CXCR5: variants seen among roughly 807,000 people sequenced by gnomAD.
CXCR5 encodes C-X-C motif chemokine receptor 5.
In CXCR5, 3 loss-of-function variants were observed where a neutral mutation model predicts 5.6. The observed-to-expected ratio is 0.54, with a 90% CI of 0.24 to 1.39. The LOEUF (loss-of-function observed/expected upper bound fraction) is 1.39. Among genes scored for constraint, CXCR5 ranks in the 40% most tolerant of loss-of-function variants. CXCR5 has a pLI of 0.16. For missense variants in CXCR5, 333 were observed against 494.6 expected (o/e 0.67, Z 3.10); for synonymous variants, 218 against 219.9 (o/e 0.99, Z 0.08).
chr11:118,890,230 T>C (rs1375161049), intron 1 of CXCR5, among the ~76,000 whole-genome samples: 2 of 152,146 alleles, frequency 1.3e-5, no homozygotes, highest in African/African-American at 4.8e-5. Context: ...CAGAGGCACT[T>C]GTCTAAGTCT....
intron 1 of CXCR5, chr11:118,886,211 C>G (rs1186435491): frequency 2.5e-6 from 1 of 404,318 alleles, no homozygotes; most frequent in Non-Finnish European, 4.8e-6. Context: ...AGTCTGGGTC[C>G]TTCTATTCCT....
intron 1 of CXCR5, among the ~76,000 whole-genome samples, chr11:118,892,870 G>A (rs913652246): frequency 6.6e-6 from 1 of 152,194 alleles, no homozygotes; most frequent in Middle Eastern, 3.2e-3. Flanking sequence ...GGTTGCCAGT[G>A]ATGGGAAGTA....
At position 118,894,343 on chromosome 11, in the gene CXCR5, ATCT is replaced by A. The variant is rs762803932; in HGVS notation, c.805_807del (p.Phe269del). 1.9e-6 allele frequency: 3 copies of A among 1,614,168 alleles called. No individual in the cohort carries two copies. Among genetic ancestry groups the A allele is most frequent in the Non-Finnish European group, 2.5e-6 (3 of 1,180,032 alleles). ...CAGGGTGGCCATCCTGGTGACAAGC[ATCT>A]TCTTCCTCTGCTGGTCACCCTACCA... is the stretch of plus-strand genomic sequence containing the variant. On this transcript the variant is annotated inframe_deletion, in exon 2 of 2. Coordinates refer to ENST00000292174, the MANE Select transcript of CXCR5 (RefSeq NM_001716.5). The surrounding 1 kb of genome is among the most constrained non-coding windows in gnomAD (Gnocchi z 6.1).
Position 118,894,800 on chromosome 11 carries a change from A to G in CXCR5, c.*137A>G, listed in dbSNP as rs1258499294. ...AGGAGTATCCTCATTTGGGGTAGCT[A>G]GAGGAACCAACCCCCATTTCTAGAA... On this transcript the variant is annotated 3_prime_UTR_variant, in exon 2 of 2. Transcript: ENST00000292174. The surrounding 1 kb of genome is among the most constrained non-coding windows in gnomAD (Gnocchi z 6.1). 2.6e-6 allele frequency: 2 copies of G among 773,310 alleles called. No individual in the cohort carries two copies. Among genetic ancestry groups the G allele is most frequent in the African/African-American group, 3.5e-5 (2 of 56,346 alleles). 47.9% of individuals were successfully genotyped at this position (773,310 alleles called of 1,614,324 possible).
chr11:118,884,874 C>A lies in CXCR5; in HGVS notation c.51+882C>A, dbSNP rs569932300. ...GAGAAACACAGGGTTCCTTGTGAGCCGACGGCAGAGGCTGGTTGTAAGGGT... is the reference window on the plus strand; with the variant it reads ...GAGAAACACAGGGTTCCTTGTGAGCAGACGGCAGAGGCTGGTTGTAAGGGT... On this transcript the variant is annotated intron_variant, in intron 1 of 1. Coordinates refer to ENST00000292174, the MANE Select transcript of CXCR5 (RefSeq NM_001716.5). Among the ~76,000 whole-genome samples, 9 of 152,174 alleles carry A rather than the reference C, an allele frequency of 5.9e-5. No homozygotes were observed. In the East Asian group the frequency reaches 1.7e-3, roughly 29 times the overall value.
Position 118,896,289 on chromosome 11 carries a change from A to T in CXCR5, c.*1626A>T, listed in dbSNP as rs908639077. ...ATATTGTATTTATATATTTATATTT[A>T]TATATATATTTATATAATGGTACAA... On this transcript the variant is annotated 3_prime_UTR_variant, in exon 2 of 2. Transcript: ENST00000292174. 2 of 162,630 alleles carry T rather than the reference A, an allele frequency of 1.2e-5. No individual in the cohort carries two copies. Among genetic ancestry groups the T allele is most frequent in the Non-Finnish European group, 1.5e-5 (1 of 67,810 alleles). The allele number at this position is 162,630 out of a possible 1,614,324, so 10.1% of individuals were successfully genotyped here.
intron 1 of CXCR5, among the ~76,000 whole-genome samples, chr11:118,885,008 C>A (rs1939688414): frequency 6.6e-6 from 1 of 152,196 alleles, no homozygotes; most frequent in South Asian, 2.1e-4. Context: ...CCTACCAACT[C>A]TCCTGTCCCA....
At chr11:118,890,845 C>T (rs1939797313) in intron 1 of CXCR5, among the ~76,000 whole-genome samples, 1 of 152,244 alleles carries the variant, frequency 6.6e-6, no homozygotes, top group African/African-American at 2.4e-5. Context: ...AGCCCCAACA[C>T]CACTCCCCAC....
At chr11:118,888,972 T>C (rs1014197136) in intron 1 of CXCR5, among the ~76,000 whole-genome samples, 4 of 152,196 alleles carry the variant, frequency 2.6e-5, no homozygotes, top group African/African-American at 9.6e-5. Context: ...AGCCTCATTA[T>C]TTGGAGAAGT....
At chr11:118,888,595 C>T (rs182823057) in intron 1 of CXCR5, among the ~76,000 whole-genome samples, 3 of 152,364 alleles carry the variant, frequency 2.0e-5, no homozygotes, top group East Asian at 1.9e-4. Context: ...CGGCTGGCCA[C>T]GTCACTCCCG....
At chr11:118,892,049 G>A (rs949355088) in intron 1 of CXCR5, among the ~76,000 whole-genome samples, 2 of 152,164 alleles carry the variant, frequency 1.3e-5, no homozygotes, top group Non-Finnish European at 2.9e-5. Flanking sequence ...GTGGACAGGA[G>A]TAGAGAAGCT....
chr11:118,889,748 A>G (rs1170253764), intron 1 of CXCR5, among the ~76,000 whole-genome samples: 1 of 151,952 alleles, frequency 6.6e-6, no homozygotes, highest in Non-Finnish European at 1.5e-5. Flanking sequence ...CCAGACAAAT[A>G]CCTCTTGGCA....
In CXCR5 at chr11:118,894,545, C is replaced by T. The variant is rs1939869294; in HGVS notation, c.1001C>T (p.Ser334Leu). 1.1e-5 allele frequency: 17 copies of T among 1,570,732 alleles called. No homozygotes were observed. The highest frequency in any genetic ancestry group is 1.5e-5 in the Non-Finnish European group (17 of 1,155,992). ...FAGVKFRSDL[S>L]RLLTKLGCTG... is the part of the protein sequence containing the mutation. ...GGCGTGAAGTTCCGCAGTGACCTGT[C>T]GCGGCTCCTGACGAAGCTGGGCTGT... Residue 334 changes from serine (S) to leucine (L), a missense_variant, in exon 2 of 2, where the codon TCG becomes TTG. By Grantham distance (145) the Ser-to-Leu change is moderately radical. Transcript: ENST00000292174. The surrounding 1 kb of genome is among the most constrained non-coding windows in gnomAD (Gnocchi z 6.1).
rs921621186 is a variant in CXCR5 at position 118,885,407 on chromosome 11, C to T, written c.51+1415C>T. On this transcript the variant is annotated intron_variant, in intron 1 of 1. Transcript: ENST00000292174. Reference sequence around the variant, plus strand: ...GGGGGTCCTGCTGGGTGCAGGCCCCCGTGTGACTGCCCCAGTTGCAAGCCC... The same window carrying T: ...GGGGGTCCTGCTGGGTGCAGGCCCCTGTGTGACTGCCCCAGTTGCAAGCCC... Among the ~76,000 whole-genome samples, 89 of 152,204 alleles carry T rather than the reference C, an allele frequency of 5.8e-4. 1 individual carries two copies. Among genetic ancestry groups the T allele is most frequent in the Non-Finnish European group, 1.8e-4 (12 of 68,022 alleles).
At position 118,893,372 on chromosome 11, in the gene CXCR5, G is replaced by C. The variant is rs560189242; in HGVS notation, c.52-224G>C. ...ACTTACAAAGCTCAGCCACCCGCACGCCTCCCTTCATCAGCACCACCACTC... is the reference window on the plus strand; with the variant it reads ...ACTTACAAAGCTCAGCCACCCGCACCCCTCCCTTCATCAGCACCACCACTC... On this transcript the variant is annotated intron_variant, in intron 1 of 1. Coordinates refer to ENST00000292174, the MANE Select transcript of CXCR5 (RefSeq NM_001716.5). This position sits in a 1 kb window ranked among gnomAD's most constrained non-coding sequence, Gnocchi z 5.7. The C allele has an allele frequency of 1.0e-6, 1 of 985,328 alleles. No individual in the cohort carries two copies. The highest frequency in any genetic ancestry group is 4.7e-5 in the South Asian group (1 of 21,290). The allele number at this position is 985,328 out of a possible 1,614,324, so 61.0% of individuals were successfully genotyped here.
intron 1 of CXCR5, among the ~76,000 whole-genome samples, chr11:118,890,778 G>A (rs1939796864): frequency 6.6e-6 from 1 of 152,192 alleles, no homozygotes; most frequent in Non-Finnish European, 1.5e-5. Context: ...TATGTGTGAA[G>A]CACTGCACAA....
At chr11:118,884,167 A>G (rs764920135) in intron 1 of CXCR5, among the ~76,000 whole-genome samples, 175 bp downstream of exon 1, 2 of 152,154 alleles carry the variant, frequency 1.3e-5, no homozygotes, top group Non-Finnish European at 2.9e-5. Context: ...CATTCTGTGG[A>G]AGAAGCAGAT....
chr11:118,886,347 GAAAAAAA>G, intron 1 of CXCR5: 1 of 405,728 alleles, frequency 2.5e-6, no homozygotes. Flanking sequence ...AAACTTGCCA[GAAAAAAA>G]AAAAAAAAAG....
intron 1 of CXCR5, chr11:118,887,601 T>A: frequency 4.7e-6 from 1 of 212,888 alleles, no homozygotes; most frequent in Non-Finnish European, 8.1e-6. Flanking sequence ...AAGGGAGATG[T>A]GACAAATGGC....
Sources: gnomAD v4.1 joint callset for allele counts (sites outside exome capture counted in the v4.1 genomes callset) on GRCh38, gnomAD v4.1.1 for gene constraint, Gnocchi (gnomAD v3.1) non-coding constraint, MANE v1.5 for transcripts, NCBI Gene and HGNC (gene_info 2026-07-23, HGNC 2026-07-21) for gene names.